The following BTD variants were observed in gnomAD, a reference collection of about 807,000 sequenced individuals.
BTD encodes biocytinase.
In BTD, 13 loss-of-function variants were observed where a neutral mutation model predicts 17.7. The observed-to-expected ratio is 0.74, with a 90% CI of 0.48 to 1.17. The LOEUF is 1.17. BTD is among the 50% of genes most tolerant of loss of function. BTD has a pLI of 0.00. For missense variants in BTD, 674 were observed against 650.4 expected, an observed-to-expected ratio of 1.04 and a Z score of -0.39; for synonymous variants, 240 against 245.2, an observed-to-expected ratio of 0.98 and a Z score of 0.20.
At chr3:15,719,722 A>T (rs987403066) in intron 4 of BTD, among the ~76,000 whole-genome samples, 1 of 151,734 alleles carries the variant, frequency 6.6e-6, no homozygotes, top group African/African-American at 2.4e-5. Flanking sequence ...GATAATTTTT[A>T]ATTTTTTTTT....
intron 4 of BTD, chr3:15,721,235 C>A (rs567443952): frequency 5.6e-6 from 5 of 894,224 alleles, no homozygotes; most frequent in Non-Finnish European, 8.7e-6. Context: ...AAGTGAGAAA[C>A]GGAGACAAGA....
intron 1 of BTD, among the ~76,000 whole-genome samples, chr3:15,630,755 A>G (rs1444482567): frequency 1.3e-5 from 2 of 152,186 alleles, no homozygotes; most frequent in Non-Finnish European, 2.9e-5. Context: ...TAACTTATTC[A>G]CAGTTGCTGG....
intron 3 of BTD, chr3:15,675,933 C>A: frequency 1.9e-6 from 3 of 1,612,922 alleles, no homozygotes; most frequent in South Asian, 1.1e-5. Flanking sequence ...TGCTCCTTTT[C>A]CCAAAAGTTC....
intron 3 of BTD, among the ~76,000 whole-genome samples, chr3:15,703,011 T>C (rs918909867): frequency 6.6e-6 from 1 of 152,178 alleles, no homozygotes; most frequent in African/African-American, 2.4e-5. Flanking sequence ...AGAGGTTAAG[T>C]AATTTGCTGA....
chr3:15,707,114 A>C (rs1019165079), intron 3 of BTD, among the ~76,000 whole-genome samples: 6 of 152,216 alleles, frequency 3.9e-5, no homozygotes, highest in African/African-American at 1.4e-4. Context: ...CTGTTATATG[A>C]AGTACATTTT....
At chr3:15,609,364 T>C (rs1326574885) in intron 1 of BTD, among the ~76,000 whole-genome samples, 1 of 152,208 alleles carries the variant, frequency 6.6e-6, no homozygotes, top group Non-Finnish European at 1.5e-5. Flanking sequence ...TGTTTGTAGT[T>C]CCCACATTAT....
chr3:15,677,603 TG>T (rs1481851487), intron 3 of BTD: 1 of 1,449,520 alleles, frequency 6.9e-7, no homozygotes, highest in African/African-American at 1.4e-5. Flanking sequence ...TTTATGAACA[TG>T]TTTCTTAGAT....
In BTD at chr3:15,689,852, A is replaced by AT; in HGVS notation, c.400-20205dup. The AT allele has an allele frequency of 6.4e-6, 4 of 624,686 alleles. No homozygotes were observed. The South Asian group carries it at 9.0e-5, about 14-fold the overall frequency. 38.7% of individuals were successfully genotyped at this position (624,686 alleles called of 1,614,324 possible). On this transcript the variant is annotated intron_variant, in intron 3 of 3. Coordinates refer to the BTD transcript ENST00000672141. ...TGAATGACGGAGGCTTTGTAAATTCATTTGTGTGAATAAAGTTATTTGGTG... is the reference window on the plus strand; with the variant it reads ...TGAATGACGGAGGCTTTGTAAATTCATTTTGTGTGAATAAAGTTATTTGGTG...
chr3:15,675,134 G>A (rs1411080838), intron 3 of BTD, among the ~76,000 whole-genome samples: 4 of 152,136 alleles, frequency 2.6e-5, no homozygotes, highest in South Asian at 2.1e-4. Flanking sequence ...GCCAGGCGTC[G>A]TGGCAGGTGT....
downstream of BTD, among the ~76,000 whole-genome samples, chr3:15,715,467 G>A (rs995420011): frequency 4.6e-5 from 7 of 152,130 alleles, no homozygotes; most frequent in Non-Finnish European, 1.0e-4. Context: ...AACATCATAA[G>A]TATCTACTTA....
chr3:15,632,045 C>T (rs993804517), intron 1 of BTD, among the ~76,000 whole-genome samples: 2 of 152,242 alleles, frequency 1.3e-5, no homozygotes, highest in South Asian at 2.1e-4. Context: ...TTGCACCCGC[C>T]CGTGAGGCAT....
intron 3 of BTD, chr3:15,694,908 T>C (rs1242945877): frequency 4.5e-5 from 53 of 1,186,968 alleles, no homozygotes; most frequent in Middle Eastern, 1.9e-4. Context: ...AGAGTATTAT[T>C]TGGCAACTCA....
intron 3 of BTD, chr3:15,679,366 A>T: frequency 6.2e-7 from 1 of 1,613,970 alleles, no homozygotes; most frequent in Non-Finnish European, 8.5e-7. Context: ...TCTCAGCAGC[A>T]CCTTCGTTGT....
intron 3 of BTD, chr3:15,695,183 CT>C: frequency 6.3e-7 from 1 of 1,594,134 alleles, no homozygotes; most frequent in South Asian, 1.1e-5. Context: ...TTGACTAATA[CT>C]TACAACATCT....
intron 3 of BTD, among the ~76,000 whole-genome samples, chr3:15,675,617 G>C (rs2470538): frequency 0.46 from 70,651 of 151,986 alleles, 19,332 homozygotes; most frequent in Non-Finnish European, 0.6. Flanking sequence ...CATATTTGCT[G>C]AAAGAACAAA....
chr3:15,605,389 T>A (rs567833712), intron 1 of BTD, among the ~76,000 whole-genome samples: 3 of 152,260 alleles, frequency 2.0e-5, no homozygotes, highest in African/African-American at 4.8e-5. Flanking sequence ...ATGATTCAGT[T>A]ACCTCCCACC....
chr3:15,696,142 G>C, intron 3 of BTD: 2 of 1,572,130 alleles, frequency 1.3e-6, no homozygotes, highest in Non-Finnish European at 1.7e-6. Context: ...ACCAGCTGAA[G>C]ACATAGACGG....
Position 15,635,310 on chromosome 3 carries a change from A to C in BTD, c.-16-114A>C, listed in dbSNP as rs1001817455. On this transcript the variant is annotated intron_variant, in intron 1 of 3. Coordinates refer to ENST00000643237, the MANE Select transcript of BTD (RefSeq NM_001370658.1). The surrounding 1 kb of genome is among the most constrained non-coding windows in gnomAD (Gnocchi z 4.1). ...ACATGAAACAAACTCTTTGAGCCGCAGTATCACTGCGAGTGAGTTTAATTG... is the reference window on the plus strand; with the variant it reads ...ACATGAAACAAACTCTTTGAGCCGCCGTATCACTGCGAGTGAGTTTAATTG... 2 of 1,486,510 alleles carry C rather than the reference A, an allele frequency of 1.3e-6. No individual in the cohort carries two copies. The highest frequency in any genetic ancestry group is 2.3e-5 in the East Asian group (1 of 44,310). The allele number at this position is 1,486,510 out of a possible 1,614,324, so 92.1% of individuals were successfully genotyped here. A position where few individuals can be genotyped will look rare whatever the true frequency, so the allele number is the denominator to read the frequency against.
chr3:15,707,384 T>C (rs2071599667), intron 3 of BTD, among the ~76,000 whole-genome samples: 1 of 152,220 alleles, frequency 6.6e-6, no homozygotes, highest in South Asian at 2.1e-4. Context: ...TGGCCAACAT[T>C]TACTTATTCT....
Sources: allele counts gnomAD v4.1 joint callset (sites outside exome capture counted in the v4.1 genomes callset), GRCh38; gene constraint gnomAD v4.1.1; non-coding constraint Gnocchi (gnomAD v3.1); transcripts MANE v1.5; gene names NCBI Gene and HGNC (gene_info 2026-07-23, HGNC 2026-07-21).